Variants in PLPPR1 observed in about 807,000 individuals in gnomAD.
PLPPR1 encodes phospholipid phosphatase related 1, also known as phospholipid phosphatase-related protein type 1.
Under a neutral mutation model 33.1 loss-of-function variants are expected in PLPPR1, and 10 were observed. The observed-to-expected ratio is 0.30, with a 90% CI of 0.19 to 0.51. The LOEUF (loss-of-function observed/expected upper bound fraction) is 0.51, where lower values mean the gene tolerates loss of function less well. Ranked by LOEUF, PLPPR1 falls within the 20% of genes least tolerant of loss-of-function variation. The pLI is 0.97. For missense variants in PLPPR1, 304 were observed against 408.1 expected (o/e 0.74, Z 2.20); for synonymous variants, 151 against 151.0 (o/e 1.00, Z 0.00).
At chr9:101,144,285 G>T (rs1276626785) in intron 1 of PLPPR1, among the ~76,000 whole-genome samples, 2 of 152,082 alleles carry the variant, frequency 1.3e-5, no homozygotes, top group Non-Finnish European at 2.9e-5. Context: ...AGCGGGGAGG[G>T]ATAGCATTAG....
At chr9:101,319,192 G>A (rs7861116) in intron 7 of PLPPR1, among the ~76,000 whole-genome samples, 5 of 151,646 alleles carry the variant, frequency 3.3e-5, no homozygotes, top group Non-Finnish European at 7.4e-5. Context: ...TTTTTCCCCC[G>A]CTGAGATGGA....
At chr9:101,289,193 C>T (rs1292654603) in intron 4 of PLPPR1, among the ~76,000 whole-genome samples, 4 of 152,190 alleles carry the variant, frequency 2.6e-5, no homozygotes, top group African/African-American at 9.7e-5. Flanking sequence ...CTTCACTTTA[C>T]AAGCTGGCCA....
In PLPPR1 at chr9:101,129,999, A is replaced by G. The variant is rs376595903; in HGVS notation, c.-45-55451A>G. Reference sequence around the variant, plus strand: ...AACTAATGTATTTTGACAGCAGTTAATGTAGTTGCCTGGGGATGAGAAAAC... The same window carrying G: ...AACTAATGTATTTTGACAGCAGTTAGTGTAGTTGCCTGGGGATGAGAAAAC... On this transcript the variant is annotated intron_variant, in intron 1 of 7. Transcript: ENST00000374874. Among the ~76,000 whole-genome samples, 26 of 152,262 alleles carry G rather than the reference A, an allele frequency of 1.7e-4. No individual in the cohort carries two copies. In the East Asian group the frequency reaches 4.2e-3, roughly 25 times the overall value.
At chr9:101,214,856 C>G (rs975955927) in intron 2 of PLPPR1, among the ~76,000 whole-genome samples, 1 of 151,848 alleles carries the variant, frequency 6.6e-6, no homozygotes, top group Non-Finnish European at 1.5e-5. Context: ...AATCTTGTCT[C>G]TACTAAAAAT....
chr9:101,185,784 A>G (rs1418102410), intron 2 of PLPPR1, among the ~76,000 whole-genome samples: 1 of 151,836 alleles, frequency 6.6e-6, no homozygotes, highest in East Asian at 1.9e-4. Flanking sequence ...ATCCAAATTA[A>G]TATATCCAAG....
intron 2 of PLPPR1, among the ~76,000 whole-genome samples, chr9:101,224,860 T>A (rs2118801785): frequency 1.3e-5 from 2 of 152,302 alleles, no homozygotes; most frequent in South Asian, 4.1e-4. Flanking sequence ...GATGGCGTCC[T>A]GTCCAGGGCT....
intron 1 of PLPPR1, among the ~76,000 whole-genome samples, chr9:101,127,839 C>T (rs181047680): frequency 6.6e-6 from 1 of 152,230 alleles, no homozygotes; most frequent in African/African-American, 2.4e-5. Context: ...CCCAGCTTCT[C>T]CCAACACTCA....
rs564685532 is a variant in PLPPR1, at chr9:101,291,882, A to G, written c.385+5646A>G. ...AACTGGAAATTCTAAAAAGCAGAGC[A>G]CCTCTCCTCCTCCAAAGGAACACAG... On this transcript the variant is annotated intron_variant, in intron 4 of 7. Transcript: ENST00000374874. 1.6e-3 allele frequency among the ~76,000 whole-genome samples: 245 copies of G among 152,270 alleles called. 1 individual carries two copies. Among genetic ancestry groups the G allele is most frequent in the Non-Finnish European group, 2.8e-3 (188 of 68,010 alleles).
intron 1 of PLPPR1, among the ~76,000 whole-genome samples, chr9:101,178,424 G>T (rs1355621417): frequency 6.6e-6 from 1 of 152,170 alleles, no homozygotes; most frequent in Non-Finnish European, 1.5e-5. Flanking sequence ...GTCCTCACTG[G>T]AGTAGACACT....
At chr9:101,070,433 CA>C (rs1277797503) in intron 1 of PLPPR1, among the ~76,000 whole-genome samples, 1 of 151,622 alleles carries the variant, frequency 6.6e-6, no homozygotes, top group Non-Finnish European at 1.5e-5. Context: ...AATAACATCG[CA>C]AAAAAACCAG....
intron 1 of PLPPR1, among the ~76,000 whole-genome samples, chr9:101,047,314 G>A (rs1830165445): frequency 6.6e-6 from 1 of 152,138 alleles, no homozygotes; most frequent in Non-Finnish European, 1.5e-5. Context: ...CAAGTTTTGA[G>A]GATGTCTTCC....
At chr9:101,079,059 G>A (rs1011857508) in intron 1 of PLPPR1, among the ~76,000 whole-genome samples, 1 of 152,032 alleles carries the variant, frequency 6.6e-6, no homozygotes, top group African/African-American at 2.4e-5. Flanking sequence ...TAATATGTTG[G>A]TGAGGAAATG....
At chr9:101,170,031 A>G (rs1282146375) in intron 1 of PLPPR1, among the ~76,000 whole-genome samples, 3 of 151,880 alleles carry the variant, frequency 2.0e-5, no homozygotes, top group Non-Finnish European at 2.9e-5. Context: ...AAACTGATCT[A>G]GGGCCAATGT....
intron 3 of PLPPR1, among the ~76,000 whole-genome samples, chr9:101,281,110 G>A (rs137936634): frequency 5.6e-4 from 85 of 152,024 alleles, no homozygotes; most frequent in Non-Finnish European, 1.1e-3. Context: ...AAAAATGGTA[G>A]CATTTCTATA....
At chr9:101,210,449 A>G (rs937739125) in intron 2 of PLPPR1, among the ~76,000 whole-genome samples, 1 of 150,850 alleles carries the variant, frequency 6.6e-6, no homozygotes, top group Admixed American at 6.6e-5. Context: ...ATTCCCACCC[A>G]CTCTCTTGAG....
intron 1 of PLPPR1, among the ~76,000 whole-genome samples, chr9:101,127,330 G>A (rs1415827323): frequency 6.6e-6 from 1 of 152,214 alleles, no homozygotes; most frequent in African/African-American, 2.4e-5. Context: ...GTCCGGCGGA[G>A]TCTAAGGATT....
At chr9:101,292,875 G>A (rs1159592823) in intron 4 of PLPPR1, among the ~76,000 whole-genome samples, 4 of 151,774 alleles carry the variant, frequency 2.6e-5, no homozygotes, top group Non-Finnish European at 4.4e-5. Flanking sequence ...GACCATCGAG[G>A]CTAGGAAGAA....
At chr9:101,278,904 GC>G (rs1234274454) in intron 3 of PLPPR1, among the ~76,000 whole-genome samples, 1 of 152,192 alleles carries the variant, frequency 6.6e-6, no homozygotes, top group African/African-American at 2.4e-5. Flanking sequence ...TCAGAACCAA[GC>G]TTAATGGCCT....
chr9:101,150,389 T>A (rs1831567240), intron 1 of PLPPR1, among the ~76,000 whole-genome samples: 2 of 152,178 alleles, frequency 1.3e-5, no homozygotes, highest in Admixed American at 6.5e-5. Context: ...GGTCTCAAGT[T>A]GGTGCCTTTT....
Sources: allele counts gnomAD v4.1 joint callset (sites outside exome capture counted in the v4.1 genomes callset), GRCh38; gene constraint gnomAD v4.1.1; transcripts MANE v1.5; gene names NCBI Gene and HGNC (gene_info 2026-07-23, HGNC 2026-07-21).